Variants in FA2H observed in about 807,000 individuals in gnomAD.
FA2H encodes fatty acid 2-hydroxylase.
Under a neutral mutation model 44.9 loss-of-function variants are expected in FA2H, and 22 were observed. The observed-to-expected ratio is 0.49, with a 90% CI of 0.35 to 0.70. The LOEUF is 0.70. Ranked by LOEUF, FA2H falls within the 30% of genes least tolerant of loss-of-function variation. FA2H has a pLI of 0.01. For missense variants in FA2H, 501 were observed against 504.9 expected, an observed-to-expected ratio of 0.99 and a Z score of 0.07; for synonymous variants, 243 against 213.2, an observed-to-expected ratio of 1.14 and a Z score of -1.22.
intron 3 of FA2H, among the ~76,000 whole-genome samples, chr16:74,726,566 T>C (rs1292428596): frequency 6.6e-6 from 1 of 152,136 alleles, no homozygotes; most frequent in Non-Finnish European, 1.5e-5. Flanking sequence ...TTTTGTATTT[T>C]TAGTAGAGAT....
chr16:74,771,445 C>T (rs1962904367), intron 1 of FA2H, among the ~76,000 whole-genome samples: 2 of 152,002 alleles, frequency 1.3e-5, no homozygotes, highest in South Asian at 4.2e-4. Flanking sequence ...CCTGCCTCAG[C>T]CTCCCAAGCA....
Position 74,728,774 on chromosome 16 carries a change from CTCTT to C in FA2H, c.364-1392_364-1389del, listed in dbSNP as rs1386457681. ...TTATTTGTGTTTGTAATATATTTAT[CTCTT>C]TCTTTTTTTTTTTTTTTTTTTTTGA... On this transcript the variant is annotated intron_variant, in intron 2 of 6. Transcript: ENST00000219368. 2.8e-3 allele frequency among the ~76,000 whole-genome samples: 411 copies of C among 146,564 alleles called. 3 individuals carry two copies. Among genetic ancestry groups the C allele is most frequent in the African/African-American group, 8.8e-3 (342 of 38,924 alleles).
chr16:74,721,162 TTC>T (rs774121149), intron 4 of FA2H, among the ~76,000 whole-genome samples: 1 of 152,062 alleles, frequency 6.6e-6, no homozygotes, highest in Non-Finnish European at 1.5e-5. Context: ...AAGCTAGCCA[TTC>T]TCTCTCTCTT....
intron 6 of FA2H, 98 bp downstream of exon 6, chr16:74,716,249 A>G (rs1158197922): frequency 2.8e-6 from 4 of 1,409,568 alleles, no homozygotes; most frequent in Non-Finnish European, 2.0e-6. Context: ...TGCCCCGTAC[A>G]TGGAACAGTG....
At position 74,732,758 on chromosome 16, in the gene FA2H, G is replaced by A. The variant is rs118149988; in HGVS notation, c.364-5372C>T. On this transcript the variant is annotated intron_variant, in intron 2 of 6. Transcript: ENST00000219368. ...GCTGAAAATGGCATAGGATTCATAC[G>A]TTGAATTCAGTTGAACCACAAGAAG... 3.7e-3 allele frequency among the ~76,000 whole-genome samples: 564 copies of A among 152,246 alleles called. 2 individuals carry two copies. Among genetic ancestry groups the A allele is most frequent in the South Asian group, 0.011 (52 of 4,824 alleles).
chr16:74,716,431 G>A lies in FA2H; in HGVS notation c.955C>T (p.His319Tyr). The A allele has an allele frequency of 6.2e-7, 1 of 1,614,044 alleles. No homozygotes were observed. Among genetic ancestry groups the A allele is most frequent in the Non-Finnish European group, 8.5e-7 (1 of 1,180,014 alleles). The change falls in exon 6 of 7, where the codon CAC becomes TAC. Residue 319 changes from histidine (H) to tyrosine (Y), a missense_variant. Physicochemically the swap from His to Tyr is moderately conservative, Grantham distance 83. Transcript: ENST00000219368. ...VLYDMTHYYL[H>Y]FGSPHKGSYL... The stretch of plus-strand genomic sequence containing the variant: ...GAGCCCTTGTGCGGCGAGCCAAAGT[G>A]CAGGTAGTAATGGGTCATGTCATAG...
intron 1 of FA2H, among the ~76,000 whole-genome samples, chr16:74,759,073 CG>C (rs1405225559): frequency 6.6e-6 from 1 of 152,206 alleles, no homozygotes; most frequent in Non-Finnish European, 1.5e-5. Flanking sequence ...TCCCTTAACA[CG>C]GGTCTAGACT....
At chr16:74,740,937 C>A (rs974152170) in intron 1 of FA2H, among the ~76,000 whole-genome samples, 1 of 152,156 alleles carries the variant, frequency 6.6e-6, no homozygotes, top group Non-Finnish European at 1.5e-5. Flanking sequence ...CAGCAGGGAG[C>A]GAGGGAGGCT....
chr16:74,726,824 G>A (rs1431900644), intron 3 of FA2H, among the ~76,000 whole-genome samples: 2 of 152,214 alleles, frequency 1.3e-5, no homozygotes, highest in Non-Finnish European at 2.9e-5. Flanking sequence ...AGAGGAGAGA[G>A]GCTGTGAGTC....
intron 1 of FA2H, among the ~76,000 whole-genome samples, chr16:74,774,104 G>C (rs943447285): frequency 2.0e-5 from 3 of 152,124 alleles, no homozygotes; most frequent in African/African-American, 7.2e-5. Flanking sequence ...GTTGCAAAGA[G>C]GGAGAGGCCG....
intron 2 of FA2H, among the ~76,000 whole-genome samples, chr16:74,728,673 A>G (rs1357405621): frequency 1.3e-5 from 2 of 151,946 alleles, no homozygotes; most frequent in South Asian, 4.2e-4. Flanking sequence ...CGTGTACTCC[A>G]TCGGTACTCA....
At chr16:74,771,639 T>G (rs1477600594) in intron 1 of FA2H, among the ~76,000 whole-genome samples, 1 of 152,160 alleles carries the variant, frequency 6.6e-6, no homozygotes, top group Non-Finnish European at 1.5e-5. Flanking sequence ...CCTGGCCTCC[T>G]GCACTCAGTT....
intron 1 of FA2H, among the ~76,000 whole-genome samples, chr16:74,740,583 C>T (rs999097966): frequency 6.7e-6 from 1 of 150,148 alleles, no homozygotes; most frequent in African/African-American, 2.4e-5. Context: ...TCCAGCCTGG[C>T]ACTCCAGCCT....
intron 1 of FA2H, among the ~76,000 whole-genome samples, chr16:74,742,021 C>T (rs907908497): frequency 7.2e-5 from 11 of 151,950 alleles, no homozygotes; most frequent in Non-Finnish European, 1.3e-4. Context: ...TCTGTTTAAC[C>T]TCAAAATACT....
At chr16:74,722,869 C>T (rs1258889992) in intron 4 of FA2H, among the ~76,000 whole-genome samples, 1 of 147,502 alleles carries the variant, frequency 6.8e-6, no homozygotes, top group Non-Finnish European at 1.5e-5. Context: ...CAAGATCGTG[C>T]CATTGCACTC....
At chr16:74,734,174 G>T (rs1204251106) in intron 2 of FA2H, among the ~76,000 whole-genome samples, 8 of 152,238 alleles carry the variant, frequency 5.3e-5, no homozygotes, top group Non-Finnish European at 1.0e-4. Context: ...CTCGGGTGGG[G>T]GAGAAGGGGA....
intron 2 of FA2H, 50 bp from the exon 3 acceptor site, chr16:74,727,436 T>C (rs1281310619): frequency 5.6e-6 from 9 of 1,596,428 alleles, no homozygotes; most frequent in Non-Finnish European, 7.7e-6. Flanking sequence ...TCTTCCCATA[T>C]TCGTTCTCCC....
At chr16:74,753,143 C>A (rs374577004) in intron 1 of FA2H, among the ~76,000 whole-genome samples, 2 of 152,332 alleles carry the variant, frequency 1.3e-5, no homozygotes, top group African/African-American at 4.8e-5. Context: ...TGTAGCCACA[C>A]AGAATCCTGC....
chr16:74,730,445 C>G (rs1278902895), intron 2 of FA2H, among the ~76,000 whole-genome samples: 1 of 152,188 alleles, frequency 6.6e-6, no homozygotes, highest in Non-Finnish European at 1.5e-5. Context: ...CCTTCCTTAC[C>G]CCAGTCTCCT....
Sources: allele counts gnomAD v4.1 joint callset (sites outside exome capture counted in the v4.1 genomes callset), GRCh38; gene constraint gnomAD v4.1.1; transcripts MANE v1.5; gene names NCBI Gene and HGNC (gene_info 2026-07-23, HGNC 2026-07-21).